The following SEMA6D variants were observed in gnomAD, a reference collection of about 807,000 sequenced individuals.
The protein encoded by SEMA6D is semaphorin 6D, also known as semaphorin-6D.
In SEMA6D, 35 loss-of-function variants were observed where a neutral mutation model predicts 106.6. The observed-to-expected ratio is 0.33, with a 90% CI of 0.25 to 0.44. The LOEUF (loss-of-function observed/expected upper bound fraction) is 0.44. Ranked by LOEUF, SEMA6D falls within the 20% of genes least tolerant of loss-of-function variation. The pLI is 1.00. For synonymous variants in SEMA6D, 499 were observed against 487.7 expected, an observed-to-expected ratio of 1.02 and a Z score of -0.31; for missense variants, 1,185 against 1,345.9, an observed-to-expected ratio of 0.88 and a Z score of 1.87.
chr15:47,542,356 C>T (rs949476174), intron 3 of SEMA6D, among the ~76,000 whole-genome samples: 4 of 152,142 alleles, frequency 2.6e-5, no homozygotes, highest in South Asian at 2.1e-4. Context: ...AACAAGTCAC[C>T]ATCCTTAGGA....
intron 1 of SEMA6D, chr15:47,730,229 C>T: frequency 6.5e-7 from 1 of 1,532,448 alleles, no homozygotes; most frequent in Non-Finnish European, 8.9e-7. Flanking sequence ...GACGTTGCCG[C>T]CCCAGTGACG....
intron 1 of SEMA6D, chr15:47,274,264 C>G (rs1041154368): frequency 1.3e-5 from 2 of 152,092 alleles, no homozygotes; most frequent in Non-Finnish European, 2.9e-5. Context: ...TCCTCACCCC[C>G]CTACTGAAAC....
chr15:47,299,638 A>G lies in SEMA6D; in HGVS notation c.-238-112755A>G, dbSNP rs562339829. Reference sequence around the variant, plus strand: ...GGTAAGGAAATAGTTAATGAGGCTGACATAAATCAGAATATGTGTATTGTT... The same window carrying G: ...GGTAAGGAAATAGTTAATGAGGCTGGCATAAATCAGAATATGTGTATTGTT... On this transcript the variant is annotated intron_variant, in intron 1 of 19. Transcript: ENST00000558014. Among the ~76,000 whole-genome samples, 133 of 152,354 alleles carry G rather than the reference A, an allele frequency of 8.7e-4. 1 individual carries two copies. The highest frequency in any genetic ancestry group is 3.0e-3 in the African/African-American group (126 of 41,596).
intron 4 of SEMA6D, among the ~76,000 whole-genome samples, chr15:47,679,595 GT>G: frequency 8.1e-6 from 1 of 123,956 alleles, no homozygotes. Context: ...TTTTTTGTTT[GT>G]TTTTGTTTTG....
At chr15:47,378,909 GT>G (rs1273008630) in intron 1 of SEMA6D, among the ~76,000 whole-genome samples, 1 of 152,182 alleles carries the variant, frequency 6.6e-6, no homozygotes, top group Admixed American at 6.5e-5. Context: ...AAGGTAAGCA[GT>G]TTGTCGTCAG....
chr15:47,761,428 C>T lies in SEMA6D; in HGVS notation c.444C>T (p.Tyr148=). Residue 148 remains tyrosine (Y), a synonymous_variant, in exon 6 of 19, where the codon TAC becomes TAT. Coordinates refer to ENST00000536845, the MANE Select transcript of SEMA6D (RefSeq NM_001358351.3). ...TNAFNPMCRY[Y]RLSTLEYDGE... ...CATTCAATCCCATGTGTAGATACTA[C>T]AGGGTAAGTATATTTTATGTGATAT... is the stretch of plus-strand genomic sequence containing the variant. 6.2e-7 allele frequency: 1 copy of T among 1,602,538 alleles called. No homozygotes were observed. The highest frequency in any genetic ancestry group is 1.3e-5 in the African/African-American group (1 of 74,600).
At chr15:47,469,922 A>G (rs1451424109) in intron 2 of SEMA6D, among the ~76,000 whole-genome samples, 1 of 152,174 alleles carries the variant, frequency 6.6e-6, no homozygotes, top group Non-Finnish European at 1.5e-5. Context: ...TGTGCACATG[A>G]TTATAAACTC....
chr15:47,386,543 C>T (rs1227157212), intron 1 of SEMA6D, among the ~76,000 whole-genome samples: 1 of 152,144 alleles, frequency 6.6e-6, no homozygotes, highest in Non-Finnish European at 1.5e-5. Flanking sequence ...GGCGTGCAGT[C>T]TAATGAAAGT....
At chr15:47,339,288 AG>A (rs1330905968) in intron 1 of SEMA6D, 2 of 152,240 alleles carry the variant, frequency 1.3e-5, no homozygotes, top group Admixed American at 1.3e-4. Context: ...GCTTGAAGCC[AG>A]TTACTCAGAA....
chr15:47,387,813 C>T (rs1253104394), intron 1 of SEMA6D, among the ~76,000 whole-genome samples: 1 of 152,150 alleles, frequency 6.6e-6, no homozygotes, highest in Non-Finnish European at 1.5e-5. Context: ...TTGGAGAAGT[C>T]GCTTAACTCC....
At chr15:47,444,954 C>T (rs1057089919) in intron 2 of SEMA6D, among the ~76,000 whole-genome samples, 3 of 152,104 alleles carry the variant, frequency 2.0e-5, no homozygotes, top group African/African-American at 7.2e-5. Flanking sequence ...GGGGGTTTTA[C>T]TGAGCGGTGG....
chr15:47,188,414 A>G (rs1424437022), intron 1 of SEMA6D, among the ~76,000 whole-genome samples: 1 of 152,222 alleles, frequency 6.6e-6, no homozygotes, highest in South Asian at 2.1e-4. Flanking sequence ...ATAAAAATGA[A>G]ACATTTGTGA....
At chr15:47,384,845 T>G (rs1025719204) in intron 1 of SEMA6D, among the ~76,000 whole-genome samples, 1 of 84,748 alleles carries the variant, frequency 1.2e-5, no homozygotes, top group Non-Finnish European at 2.3e-5. Flanking sequence ...TTTTTTTTTT[T>G]GTAAGAAAAA....
intron 4 of SEMA6D, among the ~76,000 whole-genome samples, chr15:47,621,263 C>G (rs1284796895): frequency 6.6e-6 from 1 of 152,172 alleles, no homozygotes; most frequent in Admixed American, 6.5e-5. Flanking sequence ...ATGCTTGTCT[C>G]TGACTTTTTG....
At chr15:47,674,388 G>C (rs938941517) in intron 4 of SEMA6D, among the ~76,000 whole-genome samples, 1 of 152,166 alleles carries the variant, frequency 6.6e-6, no homozygotes, top group African/African-American at 2.4e-5. Context: ...AGTCACTGGG[G>C]CCATTTTAAA....
chr15:47,489,023 G>A (rs1017289752), intron 3 of SEMA6D, among the ~76,000 whole-genome samples: 3 of 152,098 alleles, frequency 2.0e-5, no homozygotes, highest in African/African-American at 7.2e-5. Context: ...TTATTTGGGG[G>A]GAAAAACAAG....
chr15:47,331,866 G>A (rs1170012094), intron 1 of SEMA6D, among the ~76,000 whole-genome samples: 1 of 152,204 alleles, frequency 6.6e-6, no homozygotes, highest in African/African-American at 2.4e-5. Flanking sequence ...ACCTATGTTT[G>A]TAGTTACTTA....
intron 1 of SEMA6D, among the ~76,000 whole-genome samples, chr15:47,363,834 C>G (rs1214937721): frequency 6.6e-6 from 1 of 152,060 alleles, no homozygotes; most frequent in Admixed American, 6.6e-5. Flanking sequence ...CTTGGGAGGC[C>G]TCAGGAAACT....
At chr15:47,353,119 A>C (rs866609118) in intron 1 of SEMA6D, among the ~76,000 whole-genome samples, 4 of 152,180 alleles carry the variant, frequency 2.6e-5, no homozygotes, top group Admixed American at 1.3e-4. Flanking sequence ...TTCAAATTCT[A>C]TTCATAAAGA....
Sources: allele counts gnomAD v4.1 joint callset (sites outside exome capture counted in the v4.1 genomes callset), GRCh38; gene constraint gnomAD v4.1.1; transcripts MANE v1.5; gene names NCBI Gene and HGNC (gene_info 2026-07-23, HGNC 2026-07-21).